USP13: variants seen among roughly 807,000 people sequenced by gnomAD.
The protein encoded by USP13 is ubiquitin specific peptidase 13, also known as ubiquitin carboxyl-terminal hydrolase 13.
USP13 carries 68 observed loss-of-function variants against 107.8 expected under a neutral mutation model. The ratio of observed to expected loss-of-function variants is 0.63; its 90% confidence interval spans 0.52 to 0.77. The LOEUF (loss-of-function observed/expected upper bound fraction) is 0.77, where lower values mean the gene tolerates loss of function less well. Ranked by LOEUF, USP13 falls within the 30% of genes least tolerant of loss-of-function variation. The probability of loss-of-function intolerance (pLI) is 0.00; values close to 1 mark genes in which losing one functional copy is unlikely to be tolerated. For synonymous variants in USP13, 377 were observed against 389.5 expected, an observed-to-expected ratio of 0.97 and a Z score of 0.38; for missense variants, 945 against 1,093.3, an observed-to-expected ratio of 0.86 and a Z score of 1.91.
chr3:179,666,990 C>T (rs1208608699), intron 1 of USP13, among the ~76,000 whole-genome samples: 2 of 152,312 alleles, frequency 1.3e-5, no homozygotes, highest in Admixed American at 1.3e-4. Context: ...TGTAGTAGTG[C>T]CTTACCTTGC....
At chr3:179,720,340 C>T (rs921475279) in intron 7 of USP13, among the ~76,000 whole-genome samples, 21 of 152,032 alleles carry the variant, frequency 1.4e-4, no homozygotes, top group African/African-American at 4.3e-4. Context: ...ATTCTTTGTT[C>T]GCGAAACGCA....
intron 10 of USP13, among the ~76,000 whole-genome samples, chr3:179,737,174 G>C (rs898604618): frequency 2.6e-5 from 4 of 152,166 alleles, no homozygotes; most frequent in African/African-American, 9.7e-5. Context: ...TCAGAAATGA[G>C]ATGTTGGCAC....
At position 179,781,971 on chromosome 3, in the gene USP13, T is replaced by C. The variant is rs1576999201; in HGVS notation, c.2498+148T>C. ...TATACTGTTAACGCCCTTTTGCACA[T>C]CAAGACACCGAGACTCAGGGAGGCT... is the stretch of plus-strand genomic sequence containing the variant. On this transcript the variant is annotated intron_variant, in intron 20 of 20. Transcript: ENST00000263966. 4 of 617,452 alleles carry C rather than the reference T, an allele frequency of 6.5e-6. No individual in the cohort carries two copies. The East Asian group carries it at 1.2e-4, about 18-fold the overall frequency. The allele number at this position is 617,452 out of a possible 1,614,324, so 38.2% of individuals were successfully genotyped here.
rs1166063360 is a variant in USP13, at chr3:179,756,269, G to A, written c.1922-783G>A. Among the ~76,000 whole-genome samples, 4 of 152,020 alleles carry A rather than the reference G, an allele frequency of 2.6e-5. No individual in the cohort carries two copies. In the East Asian group the frequency reaches 5.8e-4, roughly 22 times the overall value. On this transcript the variant is annotated intron_variant, in intron 15 of 20. Transcript: ENST00000263966. Reference sequence around the variant, plus strand: ...GAAACCTCACCTCTACTAAAAATACGAAAGTTCACTGGGCGTGGCCACACT... The same window carrying A: ...GAAACCTCACCTCTACTAAAAATACAAAAGTTCACTGGGCGTGGCCACACT...
At chr3:179,780,211 G>T (rs1715696876) in intron 19 of USP13, among the ~76,000 whole-genome samples, 1 of 152,178 alleles carries the variant, frequency 6.6e-6, no homozygotes, top group Non-Finnish European at 1.5e-5. Context: ...GTTTAACATT[G>T]TACAGGAGGT....
intron 1 of USP13, among the ~76,000 whole-genome samples, chr3:179,666,799 G>A (rs1476119790): frequency 1.3e-5 from 2 of 152,152 alleles, no homozygotes; most frequent in Non-Finnish European, 2.9e-5. Context: ...TGTGCTTGCC[G>A]ACAGCCGCCC....
At chr3:179,756,836 G>A (rs1714821666) in intron 15 of USP13, among the ~76,000 whole-genome samples, 1 of 152,098 alleles carries the variant, frequency 6.6e-6, no homozygotes, top group Non-Finnish European at 1.5e-5. Context: ...AATAATCAAA[G>A]CATCATGTTT....
At chr3:179,756,190 C>G (rs981422561) in intron 15 of USP13, among the ~76,000 whole-genome samples, 1 of 151,996 alleles carries the variant, frequency 6.6e-6, no homozygotes, top group African/African-American at 2.4e-5. Flanking sequence ...TTGGGGAGGC[C>G]AAGGCGGGCA....
intron 3 of USP13, among the ~76,000 whole-genome samples, chr3:179,699,750 T>A (rs773461073): frequency 0.013 from 937 of 72,124 alleles, 5 homozygotes; most frequent in Middle Eastern, 0.025. Context: ...TTATTTATTT[T>A]ATTTATTTAT....
chr3:179,714,372 C>T (rs1279561219), intron 6 of USP13, among the ~76,000 whole-genome samples: 1 of 152,204 alleles, frequency 6.6e-6, no homozygotes, highest in Non-Finnish European at 1.5e-5. Context: ...GGAATCAGGG[C>T]ACGGACTACT....
At chr3:179,654,057 C>A (rs1720176302) in intron 1 of USP13, among the ~76,000 whole-genome samples, 1 of 151,550 alleles carries the variant, frequency 6.6e-6, no homozygotes, top group Non-Finnish European at 1.5e-5. Context: ...TAAAAAAGAA[C>A]CCCAAAATTA....
chr3:179,739,314 T>A (rs373881328), intron 10 of USP13, among the ~76,000 whole-genome samples: 1 of 152,214 alleles, frequency 6.6e-6, no homozygotes, highest in Non-Finnish European at 1.5e-5. Context: ...CCGCAGCCTT[T>A]CTAGCAGCTG....
intron 3 of USP13, among the ~76,000 whole-genome samples, chr3:179,694,993 C>T (rs1036518601): frequency 6.6e-6 from 1 of 152,114 alleles, no homozygotes; most frequent in African/African-American, 2.4e-5. Context: ...AAATAAAGCC[C>T]ACCAGCGGGC....
Position 179,653,340 on chromosome 3 carries a change from A to T in USP13, c.115A>T (p.Arg39Trp). The T allele has an allele frequency of 6.3e-7, 1 of 1,577,752 alleles. No individual in the cohort carries two copies. The highest frequency in any genetic ancestry group is 8.6e-7 in the Non-Finnish European group (1 of 1,162,066). ...VPHMPTIRVP[R>W]SGDRVYKNEC... ...CCACATGCCCACGATCCGCGTGCCC[A>T]GGTCCGGCGACAGGGTCTACAAGAA... The change falls in exon 1 of 21, where the codon AGG (arginine) becomes TGG (tryptophan). Residue 39 changes from arginine (R) to tryptophan (W), a missense_variant. Physicochemically the swap from Arg to Trp is moderately radical, Grantham distance 101. Transcript: ENST00000263966. The surrounding 1 kb of genome is among the most constrained non-coding windows in gnomAD (Gnocchi z 4.0).
At chr3:179,686,358 C>G (rs575613908) in intron 2 of USP13, among the ~76,000 whole-genome samples, 3 of 152,236 alleles carry the variant, frequency 2.0e-5, no homozygotes, top group East Asian at 1.9e-4. Context: ...AAGGTGGGAG[C>G]CTGGCTTGAG....
At chr3:179,659,706 A>T (rs141541985) in intron 1 of USP13, among the ~76,000 whole-genome samples, 1 of 152,288 alleles carries the variant, frequency 6.6e-6, no homozygotes, top group East Asian at 1.9e-4. Context: ...GAGAGCTGGG[A>T]TGTGAATCTG....
rs1030949585 is a variant in USP13 at position 179,657,241 on chromosome 3, G to A, written c.168+3848G>A. Among the ~76,000 whole-genome samples, 4 of 152,186 alleles carry A rather than the reference G, an allele frequency of 2.6e-5. No individual in the cohort carries two copies. In the South Asian group the frequency reaches 6.2e-4, roughly 24 times the overall value. ...GCTTTAAAAAAGGAGGAAAGGCCGG[G>A]GCGCGGTGGCTAACGCCTGTAATCC... is the stretch of plus-strand genomic sequence containing the variant. On this transcript the variant is annotated intron_variant, in intron 1 of 20. Coordinates refer to ENST00000263966, the MANE Select transcript of USP13 (RefSeq NM_003940.3).
intron 1 of USP13, among the ~76,000 whole-genome samples, chr3:179,679,165 GTTTTAAACAATTATTGGAA>G (rs970443034): frequency 2.0e-5 from 3 of 151,898 alleles, no homozygotes; most frequent in Admixed American, 6.6e-5. Flanking sequence ...CTTTATTGGA[GTTTTAAACAATTATTGGAA>G]TTTTAAACAA....
chr3:179,709,756 G>A (rs1382173470), intron 6 of USP13, among the ~76,000 whole-genome samples: 1 of 152,200 alleles, frequency 6.6e-6, no homozygotes, highest in Admixed American at 6.5e-5. Flanking sequence ...CTGATACCCA[G>A]CTGGTCTTCT....
Sources: allele counts gnomAD v4.1 joint callset (sites outside exome capture counted in the v4.1 genomes callset), GRCh38; gene constraint gnomAD v4.1.1; non-coding constraint Gnocchi (gnomAD v3.1); transcripts MANE v1.5; gene names NCBI Gene and HGNC (gene_info 2026-07-23, HGNC 2026-07-21).